Variants in ZNF503 observed in about 807,000 individuals in gnomAD.
The protein encoded by ZNF503 is zinc finger protein 503.
ZNF503 carries 15 observed loss-of-function variants against 34.4 expected under a neutral mutation model. The ratio of observed to expected loss-of-function variants is 0.44; its 90% CI spans 0.29 to 0.67. The LOEUF is 0.67. ZNF503 is among the 30% of genes least tolerant of loss of function. The pLI is 0.13. For synonymous variants in ZNF503, 580 were observed against 456.8 expected (o/e 1.27, Z -3.44); for missense variants, 1,007 against 926.8 (o/e 1.09, Z -1.12).
the ZNF503 span, among the ~76,000 whole-genome samples, chr10:75,308,009 G>T: frequency 6.6e-6 from 1 of 152,186 alleles, no homozygotes; most frequent in Non-Finnish European, 1.5e-5. Context: ...GAGCCTAGGA[G>T]TTAAGGGGCT....
chr10:75,388,959 C>T, the ZNF503 span, among the ~76,000 whole-genome samples: 1 of 152,154 alleles, frequency 6.6e-6, no homozygotes, highest in Non-Finnish European at 1.5e-5. Context: ...GGACTCATTT[C>T]TGTAAAGAGG....
the ZNF503 span, among the ~76,000 whole-genome samples, chr10:75,318,395 G>A: frequency 6.6e-6 from 1 of 152,128 alleles, no homozygotes; most frequent in Admixed American, 6.5e-5. Context: ...AAGAGGCCAG[G>A]CATGGTGGCT....
chr10:75,368,377 T>TA, the ZNF503 span, among the ~76,000 whole-genome samples: 2 of 151,752 alleles, frequency 1.3e-5, no homozygotes, highest in Admixed American at 6.6e-5. Context: ...GGTTCAAAAA[T>TA]AAAAAATCAA....
the ZNF503 span, among the ~76,000 whole-genome samples, chr10:75,380,545 G>T: frequency 6.6e-6 from 1 of 152,162 alleles, no homozygotes; most frequent in Non-Finnish European, 1.5e-5. Flanking sequence ...AACCCCGAAT[G>T]GGCCCTGTCT....
At chr10:75,314,063 A>G in the ZNF503 span, among the ~76,000 whole-genome samples, 1 of 152,210 alleles carries the variant, frequency 6.6e-6, no homozygotes, top group African/African-American at 2.4e-5. Context: ...CTGCCAAAGA[A>G]CACAATAATA....
chr10:75,297,738 A>C, the ZNF503 span, among the ~76,000 whole-genome samples: 1 of 152,246 alleles, frequency 6.6e-6, no homozygotes, highest in South Asian at 2.1e-4. Context: ...GATATGAAAT[A>C]CATACATAAA....
chr10:75,290,091 G>A, the ZNF503 span, among the ~76,000 whole-genome samples: 22,528 of 152,068 alleles, frequency 0.15, 1,940 homozygotes, highest in South Asian at 0.38. Flanking sequence ...AAGTGGAACC[G>A]TGCAGAATTT....
At chr10:75,359,511 A>T in the ZNF503 span, among the ~76,000 whole-genome samples, 4,135 of 152,310 alleles carry the variant, frequency 0.027, 184 homozygotes, top group African/African-American at 0.094. Context: ...TTTTAGAAGC[A>T]TCTCCGGCTG....
chr10:75,301,292 G>A, the ZNF503 span, among the ~76,000 whole-genome samples: 1 of 152,100 alleles, frequency 6.6e-6, no homozygotes, highest in Admixed American at 6.5e-5. Context: ...CCAGGATGGA[G>A]TGCAGTGGTG....
the ZNF503 span, among the ~76,000 whole-genome samples, chr10:75,313,969 G>A: frequency 1.2e-3 from 178 of 152,310 alleles, no homozygotes; most frequent in African/African-American, 4.0e-3. Context: ...AAAGCCAGCC[G>A]GTAGAGTGGA....
At chr10:75,400,454 CA>C in intron 1 of ZNF503, 80 bp from the exon 2 acceptor site, 1 of 1,475,164 alleles carries the variant, frequency 6.8e-7, no homozygotes. Context: ...TTCTGGGGTT[CA>C]AATGCCTCTC....
At chr10:75,364,183 A>G in the ZNF503 span, among the ~76,000 whole-genome samples, 1 of 152,222 alleles carries the variant, frequency 6.6e-6, no homozygotes, top group African/African-American at 2.4e-5. Flanking sequence ...ATTCTGAGAT[A>G]GTAAATGGGG....
the ZNF503 span, among the ~76,000 whole-genome samples, chr10:75,360,285 T>A: frequency 9.0e-6 from 1 of 111,330 alleles, no homozygotes; most frequent in Non-Finnish European, 1.7e-5. Flanking sequence ...CACGCCTGGC[T>A]AATGTTTTTT....
the ZNF503 span, among the ~76,000 whole-genome samples, chr10:75,365,015 G>A: frequency 4.7e-4 from 71 of 152,308 alleles, no homozygotes; most frequent in Admixed American, 3.7e-3. Context: ...GGATGACTGC[G>A]CATTCCCGAG....
At chr10:75,323,516 A>G in the ZNF503 span, among the ~76,000 whole-genome samples, 9 of 152,182 alleles carry the variant, frequency 5.9e-5, no homozygotes, top group African/African-American at 2.2e-4. Flanking sequence ...TGAGGTTTCC[A>G]ATTGCTCCAC....
At chr10:75,310,260 C>T in the ZNF503 span, among the ~76,000 whole-genome samples, 2 of 152,124 alleles carry the variant, frequency 1.3e-5, no homozygotes, top group Non-Finnish European at 2.9e-5. Context: ...AAGAAAGACA[C>T]TCAATGGACT....
downstream of ZNF503, among the ~76,000 whole-genome samples, chr10:75,393,033 C>A (rs143303899): frequency 4.4e-3 from 674 of 152,310 alleles, 2 homozygotes; most frequent in South Asian, 8.1e-3. Flanking sequence ...TTTTCCACTG[C>A]ACCATGTGGC....
the ZNF503 span, among the ~76,000 whole-genome samples, chr10:75,349,466 T>G: frequency 3.3e-5 from 5 of 152,328 alleles, no homozygotes; most frequent in African/African-American, 1.2e-4. Context: ...TACTTATAAT[T>G]AATGTATTAT....
chr10:75,321,950 TC>T, the ZNF503 span, among the ~76,000 whole-genome samples: 1 of 152,212 alleles, frequency 6.6e-6, no homozygotes, highest in Non-Finnish European at 1.5e-5. Context: ...TTCTTGTTGT[TC>T]TTCTAGTATC....
Sources: gnomAD v4.1 joint callset for allele counts (sites outside exome capture counted in the v4.1 genomes callset) on GRCh38, gnomAD v4.1.1 for gene constraint, MANE v1.5 for transcripts, NCBI Gene and HGNC (gene_info 2026-07-23, HGNC 2026-07-21) for gene names.